ATP11A: variants seen among roughly 807,000 people sequenced by gnomAD.
The protein encoded by ATP11A is phospholipid-transporting ATPase IH.
Under a neutral mutation model 154.4 loss-of-function variants are expected in ATP11A, and 81 were observed. The observed-to-expected ratio is 0.52, with a 90% CI of 0.44 to 0.63. The LOEUF is 0.63. Ranked by LOEUF, ATP11A falls within the 30% of genes least tolerant of loss-of-function variation. The pLI, the probability that ATP11A is intolerant of heterozygous loss-of-function variation, is 0.00. For synonymous variants in ATP11A, 623 were observed against 585.9 expected (o/e 1.06, Z -0.91); for missense variants, 1,316 against 1,474.3 (o/e 0.89, Z 1.76).
At position 112,857,983 on chromosome 13, in the gene ATP11A, G is replaced by A. The variant is rs45577532; in HGVS notation, c.2521+63G>A. ...CAGGTCACCCCTTCGCTAGACAAAG[G>A]CCCATGGCAGCACGCAGGTGCATTC... is the stretch of plus-strand genomic sequence containing the variant. On this transcript the variant is annotated intron_variant, in intron 21 of 29. Transcript: ENST00000375645. 6,557 of 1,584,492 alleles carry A rather than the reference G, an allele frequency of 4.1e-3. 29 individuals are homozygous for A. The highest frequency in any genetic ancestry group is 5.1e-3 in the Non-Finnish European group (5,867 of 1,153,664).
chr13:112,798,804 T>C lies in ATP11A; in HGVS notation c.163-6153T>C, dbSNP rs573874502. ...AAGGAATAAAAGTCAGTTACAAATATGGTAAATATTAATCCAGCTATATTA... is the reference window on the plus strand; with the variant it reads ...AAGGAATAAAAGTCAGTTACAAATACGGTAAATATTAATCCAGCTATATTA... On this transcript the variant is annotated intron_variant, in intron 2 of 29. Transcript: ENST00000375645. Among the ~76,000 whole-genome samples, 10 of 152,358 alleles carry C rather than the reference T, an allele frequency of 6.6e-5. No individual in the cohort carries two copies. In the East Asian group the frequency reaches 1.9e-3, roughly 29 times the overall value.
At chr13:112,840,039 C>T (rs1387607326) in intron 16 of ATP11A, among the ~76,000 whole-genome samples, 5 of 152,090 alleles carry the variant, frequency 3.3e-5, no homozygotes, top group Non-Finnish European at 7.4e-5. Context: ...TCTGTGGTCA[C>T]ACCTCTGCAG....
chr13:112,827,502 C>A (rs2140231466), intron 12 of ATP11A, among the ~76,000 whole-genome samples: 1 of 152,358 alleles, frequency 6.6e-6, no homozygotes, highest in African/African-American at 2.4e-5. Context: ...CACCGCACCA[C>A]CGGGAGGCAC....
At chr13:112,788,541 C>T (rs111782698) in intron 2 of ATP11A, among the ~76,000 whole-genome samples, 6,618 of 137,250 alleles carry the variant, frequency 0.048, 461 homozygotes, top group African/African-American at 0.17. Context: ...TGTCCTGATG[C>T]GTAGACTCCT....
At chr13:112,797,500 A>G (rs1302544237) in intron 2 of ATP11A, among the ~76,000 whole-genome samples, 1 of 152,138 alleles carries the variant, frequency 6.6e-6, no homozygotes, top group Non-Finnish European at 1.5e-5. Context: ...AGAAAATTAG[A>G]CTCAGAAAAA....
At chr13:112,756,856 CTGCTCCCAGCACGTGGT>C (rs2076850731) in intron 1 of ATP11A, among the ~76,000 whole-genome samples, 3 of 150,784 alleles carry the variant, frequency 2.0e-5, no homozygotes, top group African/African-American at 7.4e-5. Flanking sequence ...AGCGCGGGGT[CTGCTCCCAGCACGTGGT>C]CTGCTCCCAG....
In ATP11A at chr13:112,824,395, CA is replaced by C. The variant is rs749031798; in HGVS notation, c.846del (p.Lys282AsnfsTer12). 6.2e-7 allele frequency: 1 copy of C among 1,614,030 alleles called. No individual in the cohort carries two copies. Among genetic ancestry groups the C allele is most frequent in the Non-Finnish European group, 8.5e-7 (1 of 1,180,026 alleles). ...METKMALNYQ[S>X]KSQKRSAVEK... is the part of the protein sequence containing the mutation. ...ACCAAGATGGCATTAAATTATCAAT[CA>C]AAATCTCAGAAGCGATCTGCCGTGG... On this transcript the variant is annotated frameshift_variant, in exon 10 of 30. Transcript: ENST00000375645. LOFTEE classifies it high-confidence loss of function.
At chr13:112,804,409 CCCTCCTTTT>C (rs1294876709) in intron 2 of ATP11A, among the ~76,000 whole-genome samples, 15 of 4,702 alleles carry the variant, frequency 3.2e-3, no homozygotes, top group African/African-American at 6.6e-3. Flanking sequence ...GCCCTCCTTC[CCCTCCTTTT>C]CCTCCTTCCC....
At chr13:112,787,460 G>C (rs1351903601) in intron 2 of ATP11A, among the ~76,000 whole-genome samples, 1 of 118,638 alleles carries the variant, frequency 8.4e-6, no homozygotes, top group African/African-American at 4.8e-5. Flanking sequence ...CTGATGTGTA[G>C]ACCCCTGTGG....
chr13:112,724,516 G>T (rs1439571178), intron 1 of ATP11A, among the ~76,000 whole-genome samples: 1 of 151,538 alleles, frequency 6.6e-6, no homozygotes. Context: ...CCGTGTATGT[G>T]CGGCAGCCAG....
chr13:112,707,232 A>G (rs919478184), intron 1 of ATP11A, among the ~76,000 whole-genome samples: 19 of 152,116 alleles, frequency 1.2e-4, no homozygotes, highest in African/African-American at 4.3e-4. Context: ...CCTGGCCAAC[A>G]TGGTGAAACC....
chr13:112,767,690 C>T (rs421851), intron 1 of ATP11A, among the ~76,000 whole-genome samples: 22,560 of 152,078 alleles, frequency 0.15, 3,228 homozygotes, highest in African/African-American at 0.37. Flanking sequence ...CCCAGTCTCA[C>T]AATAAAAAGT....
At chr13:112,831,952 G>C (rs966905703) in intron 13 of ATP11A, among the ~76,000 whole-genome samples, 3 of 117,488 alleles carry the variant, frequency 2.6e-5, no homozygotes, top group African/African-American at 4.2e-5. Context: ...CACACATGCA[G>C]ACACACACAC....
intron 1 of ATP11A, among the ~76,000 whole-genome samples, chr13:112,722,271 C>CG (rs1889288328): frequency 3.6e-4 from 1 of 2,784 alleles, no homozygotes; most frequent in Non-Finnish European, 6.3e-4. Flanking sequence ...AGTGGGCCGG[C>CG]GGGGGGTAGG....
intron 25 of ATP11A, among the ~76,000 whole-genome samples, chr13:112,863,699 TGC>T (rs1202477238): frequency 8.2e-5 from 4 of 48,846 alleles, no homozygotes; most frequent in South Asian, 9.4e-4. Context: ...AGTGCAGGCC[TGC>T]GCAGCTTCCC....
intron 1 of ATP11A, among the ~76,000 whole-genome samples, chr13:112,731,612 C>T (rs1260984997): frequency 6.6e-6 from 1 of 152,120 alleles, no homozygotes; most frequent in African/African-American, 2.4e-5. Context: ...CATTGCCTAT[C>T]GATGGCCCAG....
chr13:112,768,386 C>G (rs2077148174), intron 1 of ATP11A, among the ~76,000 whole-genome samples: 1 of 152,250 alleles, frequency 6.6e-6, no homozygotes, highest in African/African-American at 2.4e-5. Flanking sequence ...ATGGTGGAGT[C>G]TCAGCTTTGG....
At chr13:112,721,699 C>T (rs1412730212) in intron 1 of ATP11A, among the ~76,000 whole-genome samples, 1 of 152,216 alleles carries the variant, frequency 6.6e-6, no homozygotes, top group Non-Finnish European at 1.5e-5. Context: ...TCCTCCACGG[C>T]TGGGCTTCCC....
At chr13:112,805,672 CAAAAAAAAAAA>C (rs1220102979) in intron 3 of ATP11A, among the ~76,000 whole-genome samples, 1 of 83,074 alleles carries the variant, frequency 1.2e-5, no homozygotes, top group Non-Finnish European at 2.3e-5. Flanking sequence ...GAGACTGTCT[CAAAAAAAAAAA>C]AAAAAAGAGA....
Sources: gnomAD v4.1 joint callset for allele counts (sites outside exome capture counted in the v4.1 genomes callset) on GRCh38, gnomAD v4.1.1 for gene constraint, MANE v1.5 for transcripts, NCBI Gene and HGNC (gene_info 2026-07-23, HGNC 2026-07-21) for gene names.